RP1: variants seen among roughly 807,000 people sequenced by gnomAD.
RP1 encodes the protein RP1 axonemal microtubule associated.
A neutral mutation model predicts 14.8 loss-of-function variants in RP1; 16 were observed. The observed-to-expected ratio is 1.08, with a 90% CI of 0.73 to 1.65. RP1 has a LOEUF of 1.65. RP1 is among the 40% of genes most tolerant of loss of function. The pLI is 0.00. For synonymous variants in RP1, 876 were observed against 883.6 expected (o/e 0.99, Z 0.15); for missense variants, 2,631 against 2,535.0 (o/e 1.04, Z -0.81).
At chr8:54,619,495 A>G (rs1808765249) in intron 1 of RP1, among the ~76,000 whole-genome samples, 2 of 152,244 alleles carry the variant, frequency 1.3e-5, no homozygotes, top group African/African-American at 4.8e-5. Flanking sequence ...CAAACAATAG[A>G]AAACAGCCAC....
At chr8:54,827,368 C>G (rs1335299055) in intron 24 of RP1, among the ~76,000 whole-genome samples, 1 of 149,388 alleles carries the variant, frequency 6.7e-6, no homozygotes, top group Non-Finnish European at 1.5e-5. Context: ...ACTCTGTTGC[C>G]CAGGCTGGAG....
At chr8:54,605,207 TGAATGTGTCCCAGA>T (rs1293702337) in intron 1 of RP1, among the ~76,000 whole-genome samples, 2 of 152,238 alleles carry the variant, frequency 1.3e-5, no homozygotes, top group Admixed American at 6.5e-5. Context: ...CACACTGCTT[TGAATGTGTCCCAGA>T]GATTCTGGTA....
At chr8:54,821,697 G>A (rs1334601543) in intron 24 of RP1, among the ~76,000 whole-genome samples, 2 of 152,136 alleles carry the variant, frequency 1.3e-5, no homozygotes, top group Non-Finnish European at 2.9e-5. Flanking sequence ...ATGAACTCAT[G>A]ACCTTAAAAA....
chr8:54,641,286 T>C (rs1017671969), intron 3 of RP1, among the ~76,000 whole-genome samples: 1 of 152,158 alleles, frequency 6.6e-6, no homozygotes, highest in African/African-American at 2.4e-5. Flanking sequence ...AGTGGCTACA[T>C]ACCTATATCA....
chr8:54,651,725 TA>T (rs1371195106), intron 4 of RP1, among the ~76,000 whole-genome samples: 1 of 152,196 alleles, frequency 6.6e-6, no homozygotes, highest in Non-Finnish European at 1.5e-5. Flanking sequence ...TTGTTGTTTT[TA>T]TATTCTCCCT....
At chr8:54,719,465 A>C (rs540974233) in intron 15 of RP1, among the ~76,000 whole-genome samples, 2 of 152,356 alleles carry the variant, frequency 1.3e-5, no homozygotes, top group Non-Finnish European at 2.9e-5. Context: ...ATTTTAATCC[A>C]TCCTTACAAA....
chr8:54,634,172 G>A (rs1211461397), downstream of RP1, among the ~76,000 whole-genome samples: 1 of 152,076 alleles, frequency 6.6e-6, no homozygotes, highest in Non-Finnish European at 1.5e-5. Flanking sequence ...GTCCATTAAG[G>A]TATTAAAGGA....
At chr8:54,784,067 A>G (rs1271617089) in intron 24 of RP1, among the ~76,000 whole-genome samples, 2 of 152,144 alleles carry the variant, frequency 1.3e-5, no homozygotes, top group Non-Finnish European at 2.9e-5. Flanking sequence ...TGTTTTCCAC[A>G]AGCACACTAA....
chr8:54,574,893 C>G (rs1003735104), intron 1 of RP1, among the ~76,000 whole-genome samples: 2 of 152,114 alleles, frequency 1.3e-5, no homozygotes, highest in Non-Finnish European at 1.5e-5. Flanking sequence ...ATGTTCAGTG[C>G]CTACCCTCCT....
intron 1 of RP1, among the ~76,000 whole-genome samples, chr8:54,605,005 A>AT (rs1053400283): frequency 6.2e-4 from 94 of 151,994 alleles, no homozygotes; most frequent in African/African-American, 2.1e-3. Context: ...GGATTCATTG[A>AT]TTTTTTGAAG....
chr8:54,619,811 C>T (rs952846843), intron 1 of RP1, among the ~76,000 whole-genome samples: 3 of 152,160 alleles, frequency 2.0e-5, no homozygotes, highest in Non-Finnish European at 4.4e-5. Context: ...CTCTAATAAG[C>T]GGTGGAAACA....
At chr8:54,634,929 A>G (rs1806319020), downstream of RP1, among the ~76,000 whole-genome samples, 1 of 152,026 alleles carries the variant, frequency 6.6e-6, no homozygotes, top group African/African-American at 2.4e-5. Flanking sequence ...AAAATACAAA[A>G]AAATTAGCCA....
chr8:54,863,617 G>A (rs919078300), intron 27 of RP1, among the ~76,000 whole-genome samples: 18 of 152,014 alleles, frequency 1.2e-4, no homozygotes, highest in African/African-American at 1.7e-4. Flanking sequence ...TGACTGCTTC[G>A]TCTTCACTTG....
Position 54,625,040 on chromosome 8 carries a change from A to G in RP1, c.1158A>G (p.Ser386=), listed in dbSNP as rs765680798. The G allele has an allele frequency of 6.2e-7, 1 of 1,614,222 alleles. No individual in the cohort carries two copies. Among genetic ancestry groups the G allele is most frequent in the South Asian group, 1.1e-5 (1 of 91,088 alleles). The change falls in exon 4 of 4, where the codon TCA becomes TCG. Residue 386 remains serine (S), a synonymous_variant. Coordinates refer to ENST00000220676, the MANE Select transcript of RP1 (RefSeq NM_006269.2). ...RSSGLKLAAC[S]FSADVSPMER... ...CTGGTTTAAAGCTTGCAGCATGTTCATTCTCTGCAGATGTGTCACCTATGG... is the reference window on the plus strand; with the variant it reads ...CTGGTTTAAAGCTTGCAGCATGTTCGTTCTCTGCAGATGTGTCACCTATGG...
At chr8:54,572,108 G>A (rs62514565) in intron 1 of RP1, among the ~76,000 whole-genome samples, 30,602 of 152,178 alleles carry the variant, frequency 0.2, 3,540 homozygotes, top group East Asian at 0.36. Flanking sequence ...TAATAAAGGG[G>A]TCATGCTATT....
upstream of RP1, among the ~76,000 whole-genome samples, chr8:54,611,434 T>A (rs530653698): frequency 9.8e-5 from 15 of 152,346 alleles, no homozygotes; most frequent in South Asian, 4.1e-4. Flanking sequence ...GTTGTCCTAT[T>A]TTCAAGTTCT....
At chr8:54,729,109 T>C (rs1327374500) in intron 17 of RP1, among the ~76,000 whole-genome samples, 1 of 152,212 alleles carries the variant, frequency 6.6e-6, no homozygotes, top group African/African-American at 2.4e-5. Flanking sequence ...AAACCGAATA[T>C]AAAAAGAGAA....
At chr8:54,854,158 A>T (rs1812132731) in intron 26 of RP1, among the ~76,000 whole-genome samples, 1 of 152,176 alleles carries the variant, frequency 6.6e-6, no homozygotes, top group Non-Finnish European at 1.5e-5. Flanking sequence ...TTGGCAATCT[A>T]ATTATATAAT....
chr8:54,726,212 A>G (rs1164616837), intron 16 of RP1: 2 of 1,013,424 alleles, frequency 2.0e-6, no homozygotes. Flanking sequence ...AATTCTGAGT[A>G]AAGAGATTTG....
Sources: gnomAD v4.1 joint callset for allele counts (sites outside exome capture counted in the v4.1 genomes callset) on GRCh38, gnomAD v4.1.1 for gene constraint, MANE v1.5 for transcripts, NCBI Gene and HGNC (gene_info 2026-07-23, HGNC 2026-07-21) for gene names.